CCDC178: variants seen among roughly 807,000 people sequenced by gnomAD.
The protein encoded by CCDC178 is coiled-coil domain-containing protein 178.
In CCDC178, 126 loss-of-function variants were observed where a neutral mutation model predicts 117.4. That is an observed-to-expected ratio of 1.07 (90% CI 0.93 to 1.24). The LOEUF is 1.24. Ranked by LOEUF, CCDC178 falls within the 50% of genes most tolerant of loss-of-function variation. The pLI is 0.00. For missense variants in CCDC178, 1,030 were observed against 986.9 expected (o/e 1.04, Z -0.59); for synonymous variants, 283 against 313.4 (o/e 0.90, Z 1.02).
At chr18:33,056,028 C>T (rs1056365265) in intron 21 of CCDC178, among the ~76,000 whole-genome samples, 18 of 152,120 alleles carry the variant, frequency 1.2e-4, no homozygotes, top group Non-Finnish European at 7.3e-5. Context: ...GTCTCAAACT[C>T]CTGACCTCAA....
At chr18:33,347,465 T>C in intron 8 of CCDC178, among the ~76,000 whole-genome samples, 1 of 151,966 alleles carries the variant, frequency 6.6e-6, no homozygotes, top group Admixed American at 6.5e-5. Context: ...TAAAACCGGT[T>C]TCCCTATTTT....
chr18:32,947,613 A>C (rs2054385614), intron 22 of CCDC178, among the ~76,000 whole-genome samples: 1 of 152,142 alleles, frequency 6.6e-6, no homozygotes, highest in Non-Finnish European at 1.5e-5. Flanking sequence ...TTCTGGATAC[A>C]AGTCCTTTAT....
chr18:33,434,322 A>T (rs1319508510), intron 2 of CCDC178, among the ~76,000 whole-genome samples: 2 of 152,220 alleles, frequency 1.3e-5, no homozygotes, highest in African/African-American at 4.8e-5. Flanking sequence ...TTTATTACAA[A>T]GAAATTACGC....
chr18:33,094,755 C>A (rs961556297), intron 20 of CCDC178, among the ~76,000 whole-genome samples: 11 of 151,838 alleles, frequency 7.2e-5, no homozygotes, highest in African/African-American at 2.7e-4. Flanking sequence ...CTTTATATAT[C>A]GCAATTAGAA....
chr18:33,394,171 T>C (rs377295780), intron 4 of CCDC178, among the ~76,000 whole-genome samples: 1 of 152,000 alleles, frequency 6.6e-6, no homozygotes, highest in Admixed American at 6.6e-5. Flanking sequence ...TGTCATGGTA[T>C]CTTGCAGTAT....
rs768434492 is a variant in CCDC178, at chr18:33,245,382, T to C, written c.1456A>G (p.Ile486Val). 66 of 1,585,242 alleles carry C rather than the reference T, an allele frequency of 4.2e-5. 1 individual carries two copies. The highest frequency in any genetic ancestry group is 1.7e-4 in the Middle Eastern group (1 of 5,952). ...KYESEIKYLT[I>V]MKLKNDKHLK... ...TGTTTATCATTCTTTAACTTCATTA[T>C]TGTCAAATATTTTATTTCAGATTCG... is the stretch of plus-strand genomic sequence containing the variant. Residue 486 changes from isoleucine to valine, a missense_variant, in exon 15 of 23, where the codon ATA (isoleucine) becomes GTA (valine). Transcript: ENST00000383096.
chr18:33,106,145 C>T (rs948503216), intron 20 of CCDC178, among the ~76,000 whole-genome samples: 22 of 151,578 alleles, frequency 1.5e-4, no homozygotes, highest in African/African-American at 4.1e-4. Context: ...GCTGTCTCTT[C>T]GGATGGGAGA....
At chr18:33,357,266 A>G (rs965627460) in intron 6 of CCDC178, among the ~76,000 whole-genome samples, 1 of 152,110 alleles carries the variant, frequency 6.6e-6, no homozygotes, top group African/African-American at 2.4e-5. Context: ...GCTGCCATGG[A>G]CCATGGTTCT....
At chr18:33,221,938 T>A (rs963810089) in intron 18 of CCDC178, among the ~76,000 whole-genome samples, 1 of 152,096 alleles carries the variant, frequency 6.6e-6, no homozygotes, top group African/African-American at 2.4e-5. Flanking sequence ...TTTTAAGTTA[T>A]CTTTTGGAAT....
At chr18:32,980,387 C>T (rs1156804385) in intron 21 of CCDC178, among the ~76,000 whole-genome samples, 4 of 151,340 alleles carry the variant, frequency 2.6e-5, no homozygotes, top group East Asian at 3.9e-4. Context: ...ATCGAGACCA[C>T]GGTGAAACCC....
Position 33,346,226 on chromosome 18 carries a change from A to G in CCDC178, c.643T>C (p.Leu215=), listed in dbSNP as rs35832671. Residue 215 remains leucine, a synonymous_variant, in exon 9 of 23, where the codon TTG becomes CTG. Coordinates refer to ENST00000383096, the MANE Select transcript of CCDC178 (RefSeq NM_001105528.4). ...CTATTATTACCTTTCTGCACAGCCA[A>G]TGGGAGTTCTTGAAGTTTCCAGACT... ...WSVWKLQELP[L]AVQKEHEAYL... 1.6e-4 allele frequency: 257 copies of G among 1,612,352 alleles called. 1 individual carries two copies. The African/African-American group carries it at 2.8e-3, about 18-fold the overall frequency.
At chr18:33,428,564 T>A (rs2064154401) in intron 2 of CCDC178, among the ~76,000 whole-genome samples, 1 of 151,444 alleles carries the variant, frequency 6.6e-6, no homozygotes, top group African/African-American at 2.4e-5. Flanking sequence ...AAACCCCATC[T>A]CTACTAAAAA....
At chr18:33,091,964 T>A (rs2057473934) in intron 21 of CCDC178, among the ~76,000 whole-genome samples, 1 of 152,180 alleles carries the variant, frequency 6.6e-6, no homozygotes, top group African/African-American at 2.4e-5. Context: ...CATTCCATAA[T>A]AGCCGTAAGT....
At chr18:32,995,942 T>TATCTATATCTATATC (rs2055497053) in intron 21 of CCDC178, among the ~76,000 whole-genome samples, 2 of 151,612 alleles carry the variant, frequency 1.3e-5, no homozygotes, top group East Asian at 3.9e-4. Flanking sequence ...TCTATATCTA[T>TATCTATATCTATATC]ATCTATGTCT....
At chr18:33,330,434 T>C (rs1237148553) in intron 10 of CCDC178, among the ~76,000 whole-genome samples, 1 of 152,132 alleles carries the variant, frequency 6.6e-6, no homozygotes, top group Non-Finnish European at 1.5e-5. Flanking sequence ...GTCTAAACTC[T>C]CATTTTGACC....
At chr18:32,970,633 G>T (rs960986557) in intron 22 of CCDC178, among the ~76,000 whole-genome samples, 1 of 151,982 alleles carries the variant, frequency 6.6e-6, no homozygotes, top group Non-Finnish European at 1.5e-5. Context: ...AATACATTAA[G>T]TCACTCTAGC....
chr18:33,371,695 G>T (rs2063302154), intron 5 of CCDC178, among the ~76,000 whole-genome samples: 1 of 151,176 alleles, frequency 6.6e-6, no homozygotes, highest in African/African-American at 2.4e-5. Context: ...CTTTTAGTTT[G>T]CTTTGACCAT....
intron 14 of CCDC178, among the ~76,000 whole-genome samples, chr18:33,258,125 A>G (rs534524178): frequency 1.3e-5 from 2 of 152,222 alleles, no homozygotes; most frequent in Admixed American, 1.3e-4. Context: ...TCCATCTTAA[A>G]TGCACCAAAG....
At chr18:33,377,072 T>G (rs916043370) in intron 5 of CCDC178, among the ~76,000 whole-genome samples, 1 of 152,190 alleles carries the variant, frequency 6.6e-6, no homozygotes, top group Non-Finnish European at 1.5e-5. Context: ...CCACCAACAG[T>G]GTATAACAAT....
Sources: allele counts gnomAD v4.1 joint callset (sites outside exome capture counted in the v4.1 genomes callset), GRCh38; gene constraint gnomAD v4.1.1; transcripts MANE v1.5; gene names NCBI Gene and HGNC (gene_info 2026-07-23, HGNC 2026-07-21).